CHRNB3: variants seen among roughly 807,000 people sequenced by gnomAD.
CHRNB3 encodes the protein neuronal acetylcholine receptor subunit beta-3.
Under a neutral mutation model 40.6 loss-of-function variants are expected in CHRNB3, and 37 were observed. The observed-to-expected ratio is 0.91, with a 90% CI of 0.70 to 1.20. CHRNB3 has a LOEUF of 1.20. Ranked by LOEUF, CHRNB3 falls within the 50% of genes most tolerant of loss-of-function variation. The probability of loss-of-function intolerance (pLI) is 0.00; values close to 1 mark genes in which losing one functional copy is unlikely to be tolerated. For synonymous variants in CHRNB3, 207 were observed against 207.1 expected, an observed-to-expected ratio of 1.00 and a Z score of 0.00; for missense variants, 505 against 551.2, an observed-to-expected ratio of 0.92 and a Z score of 0.84.
chr8:42,730,699 G>GA lies in CHRNB3; in HGVS notation c.359dup (p.Asn120LysfsTer3), dbSNP rs768336422. The stretch of plus-strand genomic sequence containing the variant: ...GTGGCTTCCTGACATAGTTCTCTTT[G>GA]AAAAGTAAGTATCACATTGTTTCTT... On this transcript the variant is annotated frameshift_variant, in exon 4 of 6. Coordinates refer to ENST00000289957, the MANE Select transcript of CHRNB3 (RefSeq NM_000749.5). LOFTEE classifies it high-confidence loss of function. The GA allele has an allele frequency of 6.4e-7, 1 of 1,572,038 alleles. No individual in the cohort carries two copies. The highest frequency in any genetic ancestry group is 8.7e-7 in the Non-Finnish European group (1 of 1,148,040).
chr8:42,710,428 C>A lies in CHRNB3; in HGVS notation c.243C>A (p.Leu81=). The change falls in exon 3 of 6, where the codon CTC becomes CTA. Residue 81 remains leucine (L), a synonymous_variant. Transcript: ENST00000289957. ...AGCTGATGACAACCAATGTGTGGCTCAAACAGGTAAATTTCAATCCAAGGA... is the reference window on the plus strand; with the variant it reads ...AGCTGATGACAACCAATGTGTGGCTAAAACAGGTAAATTTCAATCCAAGGA... ...KNQLMTTNVW[L]KQEWTDHKLR... 6.2e-7 allele frequency: 1 copy of A among 1,609,944 alleles called. No homozygotes were observed. Among genetic ancestry groups the A allele is most frequent in the Non-Finnish European group, 8.5e-7 (1 of 1,177,982 alleles).
At chr8:42,698,390 G>T (rs1468859044) in intron 1 of CHRNB3, among the ~76,000 whole-genome samples, 4 of 152,208 alleles carry the variant, frequency 2.6e-5, no homozygotes, top group Non-Finnish European at 5.9e-5. Context: ...CAGCCAGATG[G>T]TGAGAAAAGT....
chr8:42,704,791 T>A (rs979907300), intron 1 of CHRNB3, among the ~76,000 whole-genome samples: 4 of 152,176 alleles, frequency 2.6e-5, no homozygotes, highest in Non-Finnish European at 5.9e-5. Flanking sequence ...CAGTAATTTG[T>A]GCTAATTTGG....
chr8:42,698,272 T>C (rs1815712488), intron 1 of CHRNB3, among the ~76,000 whole-genome samples: 1 of 152,194 alleles, frequency 6.6e-6, no homozygotes, highest in Non-Finnish European at 1.5e-5. Context: ...GCTTTGGGGA[T>C]TGGTCATTTG....
chr8:42,722,692 G>A (rs998451677), intron 3 of CHRNB3, among the ~76,000 whole-genome samples: 3 of 152,124 alleles, frequency 2.0e-5, no homozygotes, highest in Admixed American at 6.6e-5. Flanking sequence ...CTCCAAAGTA[G>A]TTGGGACCAC....
intron 3 of CHRNB3, among the ~76,000 whole-genome samples, chr8:42,729,061 C>T (rs577968395): frequency 2.0e-5 from 3 of 152,190 alleles, no homozygotes; most frequent in Non-Finnish European, 2.9e-5. Context: ...ATGGTGAATA[C>T]TTTATTATTG....
At chr8:42,726,261 A>G (rs1816307657) in intron 3 of CHRNB3, 3 of 674,300 alleles carry the variant, frequency 4.4e-6, no homozygotes, top group Non-Finnish European at 7.8e-6. Flanking sequence ...CTACTCAGTA[A>G]TTAAGGCAAG....
chr8:42,698,881 A>T (rs963790956), intron 1 of CHRNB3, among the ~76,000 whole-genome samples: 7 of 152,244 alleles, frequency 4.6e-5, no homozygotes, highest in Non-Finnish European at 1.0e-4. Flanking sequence ...CTCTTGGTTC[A>T]GCTAAGTCTC....
chr8:42,718,021 C>T (rs117533129), intron 3 of CHRNB3, among the ~76,000 whole-genome samples: 2,160 of 151,636 alleles, frequency 0.014, 25 homozygotes, highest in Non-Finnish European at 0.021. Flanking sequence ...TTAGTAAAGA[C>T]AGTTTCGCCA....
At position 42,731,685 on chromosome 8, in the gene CHRNB3, A is replaced by G; in HGVS notation, c.378A>G (p.Glu126=). The G allele has an allele frequency of 6.2e-7, 1 of 1,608,790 alleles. No homozygotes were observed. The highest frequency in any genetic ancestry group is 8.5e-7 in the Non-Finnish European group (1 of 1,177,124). Residue 126 remains glutamate (E), a synonymous_variant, in exon 5 of 6, where the codon GAA becomes GAG. Coordinates refer to ENST00000289957, the MANE Select transcript of CHRNB3 (RefSeq NM_000749.5). ...ATTGCAGTGCTGACGGCCGCTTCGA[A>G]GGCTCCCTGATGACCAAGGTCATCG... The part of the protein sequence containing the change: ...VLFENADGRF[E]GSLMTKVIVK...
At chr8:42,733,592 CTTTT>C (rs1208342996) in intron 5 of CHRNB3, among the ~76,000 whole-genome samples, 7 of 101,046 alleles carry the variant, frequency 6.9e-5, no homozygotes, top group Non-Finnish European at 1.3e-4. Flanking sequence ...CATCCTTCTT[CTTTT>C]TTTTTTTTTT....
At position 42,718,715 on chromosome 8, in the gene CHRNB3, CT is replaced by C. The variant is rs904709544; in HGVS notation, c.249+8288del. On this transcript the variant is annotated intron_variant, in intron 3 of 5. Transcript: ENST00000289957. ...AAAAAAAAAAAGAATAATTCGGGGA[CT>C]TTTTTTATAGTTTTTTTAAAAAGCC... 2.1e-5 allele frequency among the ~76,000 whole-genome samples: 3 copies of C among 144,864 alleles called. No homozygotes were observed. In the East Asian group the frequency reaches 6.1e-4, roughly 29 times the overall value.
chr8:42,697,394 T>C lies in CHRNB3; in HGVS notation c.-153T>C. On this transcript the variant is annotated 5_prime_UTR_variant, in exon 1 of 6. Transcript: ENST00000289957. ...AAGCGGCACACTCGGCGAGAGGGGT[T>C]GAGATTGTTTTATTCCACTCCAGGT... 2 of 622,146 alleles carry C rather than the reference T, an allele frequency of 3.2e-6. No homozygotes were observed. 38.5% of individuals were successfully genotyped at this position (622,146 alleles called of 1,614,324 possible).
At chr8:42,715,384 A>C (rs1459003021) in intron 3 of CHRNB3, among the ~76,000 whole-genome samples, 1 of 152,150 alleles carries the variant, frequency 6.6e-6, no homozygotes, top group East Asian at 1.9e-4. Flanking sequence ...ACTATCCAAA[A>C]GCTCTCACAT....
At chr8:42,728,024 G>A (rs912250335) in intron 3 of CHRNB3, among the ~76,000 whole-genome samples, 4 of 152,000 alleles carry the variant, frequency 2.6e-5, no homozygotes, top group Non-Finnish European at 5.9e-5. Context: ...AAAGACATTA[G>A]TAAAAGGAAA....
chr8:42,703,435 A>AAAAAATATATATAT lies in CHRNB3; in HGVS notation c.53-5281_53-5280insAAAATATATATATA. 1.1e-3 allele frequency among the ~76,000 whole-genome samples: 54 copies of AAAAAATATATATAT among 47,404 alleles called. 2 individuals carry two copies. Among genetic ancestry groups the AAAAAATATATATAT allele is most frequent in the Admixed American group, 5.3e-3 (23 of 4,300 alleles). The allele number at this position is 47,404 out of a possible 152,430, so 31.1% of individuals were successfully genotyped here. On this transcript the variant is annotated intron_variant, in intron 1 of 5. Coordinates refer to ENST00000289957, the MANE Select transcript of CHRNB3 (RefSeq NM_000749.5). ...CAAGACTTCGTCTAAAAAAAAAAAA[A>AAAAAATATATATAT]ATATTTATATATATATATATATATA...
chr8:42,736,333 TGA>T, intron 5 of CHRNB3, 149 bp from the exon 6 acceptor site: 1 of 909,424 alleles, frequency 1.1e-6, no homozygotes, highest in East Asian at 2.4e-5. Flanking sequence ...TGAAAGAACC[TGA>T]GCCTGTAGTG....
At chr8:42,723,461 C>T (rs1230737866) in intron 3 of CHRNB3, among the ~76,000 whole-genome samples, 1 of 152,104 alleles carries the variant, frequency 6.6e-6, no homozygotes, top group East Asian at 1.9e-4. Flanking sequence ...AGAAAGCTTT[C>T]TAGAAACAAA....
intron 3 of CHRNB3, among the ~76,000 whole-genome samples, chr8:42,722,741 T>C (rs1200431508): frequency 2.4e-4 from 37 of 152,116 alleles, no homozygotes; most frequent in African/African-American, 8.7e-4. Flanking sequence ...TGTTGTTGTT[T>C]AATTTTTGAA....
Sources: allele counts gnomAD v4.1 joint callset (sites outside exome capture counted in the v4.1 genomes callset), GRCh38; gene constraint gnomAD v4.1.1; transcripts MANE v1.5; gene names NCBI Gene and HGNC (gene_info 2026-07-23, HGNC 2026-07-21).